TRDN: variants seen among roughly 807,000 people sequenced by gnomAD.
TRDN encodes triadin in skeletal muscle.
A neutral mutation model predicts 149.7 loss-of-function variants in TRDN; 161 were observed. That is an observed-to-expected ratio of 1.08 (90% CI 0.95 to 1.23). The LOEUF is 1.23. Among genes scored for constraint, TRDN ranks in the 50% most tolerant of loss-of-function variants. The pLI is 0.00. For missense variants in TRDN, 896 were observed against 823.5 expected, an observed-to-expected ratio of 1.09 and a Z score of -1.08; for synonymous variants, 294 against 250.5, an observed-to-expected ratio of 1.17 and a Z score of -1.64.
chr6:123,263,139 A>T (rs1776828832), intron 33 of TRDN, among the ~76,000 whole-genome samples: 1 of 152,068 alleles, frequency 6.6e-6, no homozygotes, highest in South Asian at 2.1e-4. Context: ...AAAGTTCTTG[A>T]AGGAAATTAA....
chr6:123,570,296 C>T (rs1782499251), intron 2 of TRDN, among the ~76,000 whole-genome samples: 1 of 152,094 alleles, frequency 6.6e-6, no homozygotes, highest in African/African-American at 2.4e-5. Flanking sequence ...CCTTAGGGAG[C>T]TCACAGTCAA....
chr6:123,556,432 C>A (rs545048286), intron 2 of TRDN, among the ~76,000 whole-genome samples: 2 of 152,258 alleles, frequency 1.3e-5, no homozygotes, highest in East Asian at 3.9e-4. Context: ...CTCCTCAAAG[C>A]ATGATGACAT....
chr6:123,451,934 T>G (rs904270154), intron 10 of TRDN, among the ~76,000 whole-genome samples: 9 of 152,164 alleles, frequency 5.9e-5, no homozygotes, highest in Non-Finnish European at 1.2e-4. Flanking sequence ...GATGAAGGGA[T>G]GGTTTAACAT....
chr6:123,431,286 G>A (rs577736765), intron 12 of TRDN, among the ~76,000 whole-genome samples: 3 of 152,264 alleles, frequency 2.0e-5, no homozygotes, highest in South Asian at 2.1e-4. Flanking sequence ...CAGGTCTAAT[G>A]TGTACTAGAT....
intron 14 of TRDN, among the ~76,000 whole-genome samples, chr6:123,386,271 T>C (rs764644699): frequency 2.6e-5 from 4 of 152,136 alleles, no homozygotes; most frequent in Non-Finnish European, 2.9e-5. Context: ...TTTTAATTGG[T>C]AGTATCAGAC....
intron 2 of TRDN, among the ~76,000 whole-genome samples, chr6:123,556,984 C>T (rs930446327): frequency 6.6e-6 from 1 of 152,112 alleles, no homozygotes; most frequent in African/African-American, 2.4e-5. Flanking sequence ...TAACTGATGA[C>T]ATTACCTTGT....
At chr6:123,455,437 TG>T (rs1776056094) in intron 10 of TRDN, among the ~76,000 whole-genome samples, 1 of 147,308 alleles carries the variant, frequency 6.8e-6, no homozygotes, top group Non-Finnish European at 1.5e-5. Context: ...TGTGTGTGTG[TG>T]TCTGTGTGTG....
At chr6:123,543,904 C>T (rs1184937605) in intron 4 of TRDN, among the ~76,000 whole-genome samples, 1 of 151,808 alleles carries the variant, frequency 6.6e-6, no homozygotes, top group African/African-American at 2.4e-5. Flanking sequence ...GAAAATTTTA[C>T]CCAAGAGCTA....
chr6:123,506,027 T>A (rs1172506470), intron 7 of TRDN, among the ~76,000 whole-genome samples: 1 of 152,204 alleles, frequency 6.6e-6, no homozygotes, highest in Non-Finnish European at 1.5e-5. Context: ...CATATGTTTC[T>A]GTGACTGAAA....
chr6:123,453,027 G>T (rs1029736582), intron 10 of TRDN, among the ~76,000 whole-genome samples: 3 of 152,014 alleles, frequency 2.0e-5, no homozygotes, highest in Admixed American at 1.3e-4. Flanking sequence ...AACAAATGGT[G>T]CTGGGATAAT....
At chr6:123,576,169 T>A (rs1163379398) in intron 1 of TRDN, among the ~76,000 whole-genome samples, 1 of 152,136 alleles carries the variant, frequency 6.6e-6, no homozygotes, top group Non-Finnish European at 1.5e-5. Context: ...CTTGCTATAT[T>A]GTTTGTGTTC....
chr6:123,267,035 A>T (rs1053162389), intron 32 of TRDN, among the ~76,000 whole-genome samples: 108 of 130,924 alleles, frequency 8.2e-4, no homozygotes, highest in African/African-American at 2.8e-3. Context: ...TGAACCCGGG[A>T]GGTGGAGCTT....
At chr6:123,228,339 T>C (rs1272534923) in intron 38 of TRDN, among the ~76,000 whole-genome samples, 1 of 151,864 alleles carries the variant, frequency 6.6e-6, no homozygotes, top group Admixed American at 6.6e-5. Flanking sequence ...TAGTTTGTTT[T>C]CATACTGCCA....
At chr6:123,370,263 C>A (rs1010730608) in intron 19 of TRDN, among the ~76,000 whole-genome samples, 1 of 151,640 alleles carries the variant, frequency 6.6e-6, no homozygotes, top group Admixed American at 6.6e-5. Flanking sequence ...CCTTATTTTT[C>A]TATATGGGTT....
At chr6:123,332,272 A>T (rs879335336) in intron 22 of TRDN, among the ~76,000 whole-genome samples, 2 of 150,516 alleles carry the variant, frequency 1.3e-5, no homozygotes, top group Non-Finnish European at 3.0e-5. Flanking sequence ...AAACTGTTTA[A>T]TCAGCACAAA....
intron 1 of TRDN, among the ~76,000 whole-genome samples, chr6:123,574,275 G>T (rs543046463): frequency 6.6e-6 from 1 of 151,902 alleles, no homozygotes. Context: ...ATACATATCC[G>T]AAGTTCTTGA....
At chr6:123,511,467 G>A (rs1053825376) in intron 7 of TRDN, among the ~76,000 whole-genome samples, 2 of 151,988 alleles carry the variant, frequency 1.3e-5, no homozygotes, top group African/African-American at 4.8e-5. Context: ...CAACAACTAT[G>A]TACCTATAAA....
chr6:123,309,866 A>G (rs1366924463), intron 24 of TRDN, among the ~76,000 whole-genome samples: 2 of 152,172 alleles, frequency 1.3e-5, no homozygotes, highest in East Asian at 3.9e-4. Context: ...CGATTATAAA[A>G]AGATAAAATT....
intron 24 of TRDN, among the ~76,000 whole-genome samples, chr6:123,295,747 C>T (rs1778168603): frequency 6.6e-6 from 1 of 152,042 alleles, no homozygotes; most frequent in African/African-American, 2.4e-5. Flanking sequence ...GTGGATCACT[C>T]GAGACCAGGA....
Sources: allele counts gnomAD v4.1 joint callset (sites outside exome capture counted in the v4.1 genomes callset), GRCh38; gene constraint gnomAD v4.1.1; transcripts MANE v1.5; gene names NCBI Gene and HGNC (gene_info 2026-07-23, HGNC 2026-07-21).